The following NDUFA10 variants were observed in gnomAD, a reference collection of about 807,000 sequenced individuals.
The protein encoded by NDUFA10 is NADH:ubiquinone oxidoreductase subunit A10.
Under a neutral mutation model 47.8 loss-of-function variants are expected in NDUFA10, and 40 were observed. The observed-to-expected ratio is 0.84, with a 90% CI of 0.65 to 1.09. The LOEUF (loss-of-function observed/expected upper bound fraction) is 1.09, where lower values mean the gene tolerates loss of function less well. Among genes scored for constraint, NDUFA10 ranks in the 50% least tolerant of loss-of-function variants. The pLI is 0.00. For missense variants in NDUFA10, 413 were observed against 451.1 expected (o/e 0.92, Z 0.76); for synonymous variants, 183 against 172.2 (o/e 1.06, Z -0.49).
At chr2:240,013,076 C>T (rs1697202564) in intron 5 of NDUFA10, 1 of 152,220 alleles carries the variant, frequency 6.6e-6, no homozygotes, top group African/African-American at 2.4e-5. Context: ...TAACATGCAA[C>T]ATAACACAAC....
rs1253447156 is a variant in NDUFA10 at position 239,928,450 on chromosome 2, T to G, written c.295-33136A>C. 6.6e-6 allele frequency among the ~76,000 whole-genome samples: 1 copy of G among 152,228 alleles called. No homozygotes were observed. Among genetic ancestry groups the G allele is most frequent in the Admixed American group, 6.5e-5 (1 of 15,288 alleles). On this transcript the variant is annotated intron_variant, in intron 4 of 5. Coordinates refer to the NDUFA10 transcript ENST00000419408. The surrounding 1 kb of genome is among the most constrained non-coding windows in gnomAD (Gnocchi z 4.3). ...ATTACTTCTATTGTGATTATTATTC[T>G]GTGAAGTCAGTTCCTCATGGCAGGA...
At chr2:240,021,480 C>G (rs558532735) in intron 2 of NDUFA10, 68 bp from the exon 3 acceptor site, 130 of 1,411,408 alleles carry the variant, frequency 9.2e-5, no homozygotes, top group Non-Finnish European at 1.2e-4. Context: ...GCAGTGGGGA[C>G]TAGCCAAAAC....
intron 7 of NDUFA10, 41 bp from the exon 8 acceptor site, chr2:240,005,336 T>A: frequency 6.6e-7 from 1 of 1,519,450 alleles, no homozygotes. Flanking sequence ...AGAACCCCAT[T>A]TTAGAAATTT....
rs560227979 is a variant in NDUFA10, at chr2:240,020,608, G to A, written c.460+589C>T. On this transcript the variant is annotated intron_variant, in intron 3 of 9. Transcript: ENST00000252711. The stretch of plus-strand genomic sequence containing the variant: ...ACTATACTTTCTGATCCCTGTTTCC[G>A]TCTCCCAGGCTCCCCAGTACACAGC... Among the ~76,000 whole-genome samples, 8 of 151,962 alleles carry A rather than the reference G, an allele frequency of 5.3e-5. No individual in the cohort carries two copies. The South Asian group carries it at 6.2e-4, about 12-fold the overall frequency.
intron 4 of NDUFA10, among the ~76,000 whole-genome samples, chr2:239,948,586 A>G (rs1469999353): frequency 6.6e-6 from 1 of 152,282 alleles, no homozygotes; most frequent in Non-Finnish European, 1.5e-5. Context: ...TAAAAGCCCC[A>G]GCCATCTTGA....
intron 4 of NDUFA10, among the ~76,000 whole-genome samples, chr2:239,924,064 A>T (rs760873089): frequency 2.0e-5 from 3 of 152,184 alleles, no homozygotes; most frequent in Non-Finnish European, 4.4e-5. Context: ...TTAATTTAAA[A>T]GCTTCTTTAA....
intron 5 of NDUFA10, among the ~76,000 whole-genome samples, chr2:239,894,330 C>T (rs529742250): frequency 8.4e-4 from 128 of 151,836 alleles, no homozygotes; most frequent in African/African-American, 3.0e-3. Flanking sequence ...TCTCTGCCTC[C>T]TGTCCTCAGC....
chr2:239,899,081 A>AGCGTGATGGAGGG (rs1693473451), intron 4 of NDUFA10, among the ~76,000 whole-genome samples: 1 of 6,054 alleles, frequency 1.7e-4, no homozygotes, highest in Non-Finnish European at 3.1e-4. Flanking sequence ...GTGATGGAGG[A>AGCGTGATGGAGGG]GTGTGGAGGG....
chr2:240,001,798 TA>T (rs1696731999), intron 8 of NDUFA10, among the ~76,000 whole-genome samples: 1 of 152,252 alleles, frequency 6.6e-6, no homozygotes, highest in Admixed American at 6.5e-5. Flanking sequence ...GCACAGGGAA[TA>T]ATCAGCTGAC....
chr2:240,008,907 C>T (rs1178873387), intron 6 of NDUFA10, among the ~76,000 whole-genome samples: 3 of 152,152 alleles, frequency 2.0e-5, no homozygotes, highest in Non-Finnish European at 2.9e-5. Flanking sequence ...CAAATAAAAC[C>T]GCCTCCGTCC....
At chr2:239,948,898 C>T (rs1004478704) in intron 4 of NDUFA10, among the ~76,000 whole-genome samples, 22 of 152,320 alleles carry the variant, frequency 1.4e-4, no homozygotes, top group Admixed American at 1.3e-3. Context: ...AAAGATAAAG[C>T]GTGCAGGAGT....
intron 4 of NDUFA10, among the ~76,000 whole-genome samples, chr2:239,948,181 G>C (rs1273290609): frequency 6.6e-6 from 1 of 152,210 alleles, no homozygotes; most frequent in Non-Finnish European, 1.5e-5. Context: ...CAACACTTAA[G>C]AGCTAGAACC....
At chr2:239,990,611 G>A (rs941896396) in intron 8 of NDUFA10, among the ~76,000 whole-genome samples, 6 of 152,150 alleles carry the variant, frequency 3.9e-5, no homozygotes, top group African/African-American at 1.4e-4. Context: ...GGGCAGGAAC[G>A]GTGAGTAGCT....
chr2:239,964,934 C>T (rs1694999693), intron 9 of NDUFA10, among the ~76,000 whole-genome samples: 1 of 152,172 alleles, frequency 6.6e-6, no homozygotes, highest in Non-Finnish European at 1.5e-5. Flanking sequence ...CACACGACGG[C>T]CAGCAGGCGC....
chr2:239,963,053 G>T (rs868416919), intron 9 of NDUFA10, among the ~76,000 whole-genome samples: 3 of 152,194 alleles, frequency 2.0e-5, no homozygotes, highest in Non-Finnish European at 2.9e-5. Flanking sequence ...CTAAAGGCGG[G>T]GGGGAGGGTG....
At chr2:240,014,626 C>T in intron 5 of NDUFA10, 113 bp downstream of exon 5, 5 of 1,507,480 alleles carry the variant, frequency 3.3e-6, no homozygotes, top group South Asian at 1.1e-5. Context: ...GTGTGTGTCA[C>T]CCTCCTCGTG....
intron 9 of NDUFA10, among the ~76,000 whole-genome samples, chr2:239,977,513 G>A (rs1695579675): frequency 6.6e-6 from 1 of 151,780 alleles, no homozygotes; most frequent in African/African-American, 2.4e-5. Flanking sequence ...CCACTGTGTG[G>A]AGATCTGACT....
chr2:239,983,777 C>G, intron 9 of NDUFA10: 1 of 1,523,842 alleles, frequency 6.6e-7, no homozygotes, highest in Non-Finnish European at 8.9e-7. Context: ...CTCACCAGCA[C>G]TCCTTATTAA....
intron 8 of NDUFA10, among the ~76,000 whole-genome samples, chr2:239,996,457 G>C (rs917033444): frequency 1.3e-5 from 2 of 152,184 alleles, no homozygotes; most frequent in Non-Finnish European, 2.9e-5. Flanking sequence ...CAAAGAAAAA[G>C]TCTCAAAATA....
Sources: gnomAD v4.1 joint callset for allele counts (sites outside exome capture counted in the v4.1 genomes callset) on GRCh38, gnomAD v4.1.1 for gene constraint, Gnocchi (gnomAD v3.1) non-coding constraint, MANE v1.5 for transcripts, NCBI Gene and HGNC (gene_info 2026-07-23, HGNC 2026-07-21) for gene names.